The following PCDH19 variants were observed in gnomAD, a reference collection of about 807,000 sequenced individuals.
PCDH19 encodes the protein protocadherin 19.
Under a neutral mutation model 46.2 loss-of-function variants are expected in PCDH19, and 6 were observed. The observed-to-expected ratio is 0.13, with a 90% CI of 0.07 to 0.26. PCDH19 has a LOEUF of 0.26. PCDH19 is among the 10% of genes least tolerant of loss of function. PCDH19 has a pLI of 1.00. For missense variants in PCDH19, 740 were observed against 972.3 expected (o/e 0.76, Z 3.18); for synonymous variants, 481 against 415.7 (o/e 1.16, Z -1.91).
chrX:100,299,825 A>G (rs1293436085), intron 5 of PCDH19, among the ~76,000 whole-genome samples: 1 of 112,250 alleles, frequency 8.9e-6, no homozygotes, highest in African/African-American at 3.2e-5. Flanking sequence ...CAGATTACTT[A>G]TGTAAACTTA....
chrX:100,307,784 C>T (rs1003864510), intron 5 of PCDH19, among the ~76,000 whole-genome samples: 8 of 110,972 alleles, frequency 7.2e-5, no homozygotes, highest in Middle Eastern at 4.2e-3. Flanking sequence ...AAGAACTCAA[C>T]CTCTTTTACA....
rs879063841 is a variant in PCDH19 at position 100,295,895 on chromosome X, C to CT, written c.*381dup. On this transcript the variant is annotated 3_prime_UTR_variant, in exon 6 of 6. Transcript: ENST00000373034. ...GCGAGCTTATTAAAGGTGTCCAGAG[C>CT]TTTTTTTTTTCACTTTTTGCTTTTT... The CT allele has an allele frequency of 0.012, 1,762 of 149,489 alleles. 8 individuals are homozygous for CT. Among genetic ancestry groups the CT allele is most frequent in the Non-Finnish European group, 0.014 (1,068 of 79,087 alleles). 12.3% of individuals were successfully genotyped at this position (149,489 alleles called of 1,213,427 possible).
chrX:100,309,154 G>GCACACACACACACACACACACACACA (rs55663829), intron 5 of PCDH19, among the ~76,000 whole-genome samples: 21 of 81,765 alleles, frequency 2.6e-4, no homozygotes, highest in Non-Finnish European at 7.4e-5. Context: ...TGTGATGCAT[G>GCACACACACACACACACACACACACA]CACACACACA....
intron 3 of PCDH19, among the ~76,000 whole-genome samples, chrX:100,365,684 C>T (rs2147504882): frequency 9.0e-6 from 1 of 111,595 alleles, no homozygotes; most frequent in Non-Finnish European, 1.9e-5. Context: ...TTCATCTAAT[C>T]TATTATCTCT....
At chrX:100,403,379 G>A in intron 2 of PCDH19, 145 bp downstream of exon 2, 2 of 538,063 alleles carry the variant, frequency 3.7e-6, no homozygotes, top group Non-Finnish European at 6.1e-6. Flanking sequence ...ACTGGGGTAG[G>A]AGATCAGACC....
At position 100,342,034 on chromosome X, in the gene PCDH19, T is replaced by C; in HGVS notation, c.2717A>G (p.Asp906Gly). ...FKDLEGNSLKDSGHEESDQTD... is the reference protein window; with the variant it reads ...FKDLEGNSLKGSGHEESDQTD... The stretch of plus-strand genomic sequence containing the variant: ...TTGGTCACTCTCCTCATGTCCACTA[T>C]CCTTCAGGCTGTTGCCCTCTAAGTC... Residue 906 changes from aspartate to glycine, a missense_variant, in exon 5 of 6, where the codon GAT becomes GGT. Asp to Gly is a moderately conservative substitution (Grantham distance 94, BLOSUM62 -1). Coordinates refer to ENST00000373034, the MANE Select transcript of PCDH19 (RefSeq NM_001184880.2). 8.3e-7 allele frequency: 1 copy of C among 1,210,502 alleles called. No individual in the cohort carries two copies. The highest frequency in any genetic ancestry group is 1.1e-6 in the Non-Finnish European group (1 of 894,375).
At chrX:100,395,077 C>A (rs1329553187) in intron 3 of PCDH19, among the ~76,000 whole-genome samples, 2 of 109,576 alleles carry the variant, frequency 1.8e-5, no homozygotes, top group African/African-American at 3.3e-5. Context: ...TTAGTAGAGA[C>A]GGGGTTTCAC....
At chrX:100,343,365 ACT>A (rs1416851115) in intron 4 of PCDH19, among the ~76,000 whole-genome samples, 2 of 112,268 alleles carry the variant, frequency 1.8e-5, no homozygotes, top group Non-Finnish European at 3.8e-5. Context: ...CAGAACCCTG[ACT>A]AATATAGAAG....
Position 100,407,782 on chromosome X carries a change from C to T in PCDH19, c.816G>A (p.Gln272=). 8.2e-7 allele frequency: 1 copy of T among 1,212,429 alleles called. No individual in the cohort carries two copies. Among genetic ancestry groups the T allele is most frequent in the South Asian group, 1.8e-5 (1 of 57,037 alleles). Reference sequence around the variant, plus strand: ...CGTAGCCATAGAAGGAGTAGACCACCTGGCCGTTGGTGCCCTCGTCTGGAT... The same window carrying T: ...CGTAGCCATAGAAGGAGTAGACCACTTGGCCGTTGGTGCCCTCGTCTGGAT... ...ASDPDEGTNG[Q]VVYSFYGYVN... The change falls in exon 1 of 6, where the codon CAG becomes CAA. Residue 272 remains glutamine (Q), a synonymous_variant. Transcript: ENST00000373034.
At chrX:100,322,655 G>A (rs1925529750) in intron 5 of PCDH19, among the ~76,000 whole-genome samples, 1 of 106,379 alleles carries the variant, frequency 9.4e-6, no homozygotes, top group Non-Finnish European at 1.9e-5. Context: ...ATTTTGATGG[G>A]GATTGCATTG....
At chrX:100,322,861 A>ATTTTTTTT (rs1157437894) in intron 5 of PCDH19, among the ~76,000 whole-genome samples, 3 of 44,400 alleles carry the variant, frequency 6.8e-5, no homozygotes, top group African/African-American at 3.2e-4. Context: ...ATATATATAT[A>ATTTTTTTT]TATATTTTTG....
Position 100,333,183 on chromosome X carries a change from GAGAAAGAAAGAAAGAAAGAAAGAAAGAA to G in PCDH19, c.2848+8692_2848+8719del, listed in dbSNP as rs755008766. Among the ~76,000 whole-genome samples the G allele has an allele frequency of 1.2e-3, 52 of 43,469 alleles. 1 individual carries two copies. The highest frequency in any genetic ancestry group is 4.0e-3 in the African/African-American group (51 of 12,770). 37.7% of individuals were successfully genotyped at this position (43,469 alleles called of 115,157 possible). A position where few individuals can be genotyped will look rare whatever the true frequency, so the allele number is the denominator to read the frequency against. ...GAAGGAAGGAAGGAAGGGAGAGAGA[GAGAAAGAAAGAAAGAAAGAAAGAAAGAA>G]AGAAAGAAAGAAAGAAAGAAAGAAA... On this transcript the variant is annotated intron_variant, in intron 5 of 5. Coordinates refer to ENST00000373034, the MANE Select transcript of PCDH19 (RefSeq NM_001184880.2).
In PCDH19 at chrX:100,313,287, C is replaced by T. The variant is rs754034890; in HGVS notation, c.2849-16412G>A. Among the ~76,000 whole-genome samples, 7 of 111,053 alleles carry T rather than the reference C, an allele frequency of 6.3e-5. 1 individual carries two copies. The South Asian group carries it at 2.3e-3, about 36-fold the overall frequency. On this transcript the variant is annotated intron_variant, in intron 5 of 5. Coordinates refer to ENST00000373034, the MANE Select transcript of PCDH19 (RefSeq NM_001184880.2). ...GAAACATGGGGCTAATGGAGGAATG[C>T]CATGCTGTGGTGGGGGAAGCCCTGA...
At chrX:100,333,733 G>A (rs1305247935) in intron 5 of PCDH19, among the ~76,000 whole-genome samples, 2 of 109,699 alleles carry the variant, frequency 1.8e-5, no homozygotes, top group Admixed American at 9.7e-5. Context: ...CCTTACCACA[G>A]GTAGTTTTTT....
chrX:100,392,228 T>G (rs1478682844), intron 3 of PCDH19, among the ~76,000 whole-genome samples: 1 of 112,219 alleles, frequency 8.9e-6, no homozygotes, highest in East Asian at 2.8e-4. Context: ...AGGTTAGCTT[T>G]CTTTCCATTT....
Position 100,296,886 on chromosome X carries a change from A to T in PCDH19, c.2849-11T>A. The T allele has an allele frequency of 8.6e-7, 1 of 1,166,763 alleles. No individual in the cohort carries two copies. The highest frequency in any genetic ancestry group is 1.2e-6 in the Non-Finnish European group (1 of 854,842). ...ATCCTTCATTCTGATCTGTTTGGAA[A>T]AAAGAAAATATCAATTTCATCAGCT... On this transcript the variant is annotated splice_polypyrimidine_tract_variant and intron_variant, in intron 5 of 5. Coordinates refer to ENST00000373034, the MANE Select transcript of PCDH19 (RefSeq NM_001184880.2).
chrX:100,316,156 A>G (rs1202097956), intron 5 of PCDH19, among the ~76,000 whole-genome samples: 1 of 112,233 alleles, frequency 8.9e-6, no homozygotes, highest in Non-Finnish European at 1.9e-5. Flanking sequence ...AACACTTTCC[A>G]TATGATTCAA....
chrX:100,310,845 A>T (rs1247972007), intron 5 of PCDH19, among the ~76,000 whole-genome samples: 1 of 107,741 alleles, frequency 9.3e-6, no homozygotes, highest in Admixed American at 1.0e-4. Context: ...AATAAATAAT[A>T]AAAAAATTAA....
intron 3 of PCDH19, among the ~76,000 whole-genome samples, chrX:100,389,391 G>C (rs1161593290): frequency 4.6e-5 from 5 of 108,020 alleles, no homozygotes; most frequent in African/African-American, 1.7e-4. Context: ...GGGGTTGTGG[G>C]TGGGGGAAAT....
Sources: allele counts gnomAD v4.1 joint callset (sites outside exome capture counted in the v4.1 genomes callset), GRCh38; gene constraint gnomAD v4.1.1; transcripts MANE v1.5; gene names NCBI Gene and HGNC (gene_info 2026-07-23, HGNC 2026-07-21).